RSPH14: variants seen among roughly 807,000 people sequenced by gnomAD.
The protein encoded by RSPH14 is rhabdoid tumor deletion region gene 1.
Under a neutral mutation model 26.7 loss-of-function variants are expected in RSPH14, and 20 were observed. The ratio of observed to expected loss-of-function variants is 0.75; its 90% CI spans 0.53 to 1.09. RSPH14 has a LOEUF of 1.09. Ranked by LOEUF, RSPH14 falls within the 50% of genes least tolerant of loss-of-function variation. RSPH14 has a pLI of 0.00. For missense variants in RSPH14, 449 were observed against 457.2 expected, an observed-to-expected ratio of 0.98 and a Z score of 0.16; for synonymous variants, 177 against 189.3, an observed-to-expected ratio of 0.93 and a Z score of 0.53.
At chr22:23,086,987 C>T (rs927479243) in intron 4 of RSPH14, among the ~76,000 whole-genome samples, 3 of 152,180 alleles carry the variant, frequency 2.0e-5, no homozygotes, top group African/African-American at 7.2e-5. Flanking sequence ...GAAGCACATG[C>T]GGCTCCGATA....
chr22:23,161,745 C>CCTTTTCT, the RSPH14 span: 1 of 592,274 alleles, frequency 1.7e-6, no homozygotes, highest in Non-Finnish European at 3.0e-6. Context: ...TTGTCCGTTG[C>CCTTTTCT]AGGTTGGGCA....
At chr22:23,171,318 C>T in the RSPH14 span, among the ~76,000 whole-genome samples, 1 of 152,082 alleles carries the variant, frequency 6.6e-6, no homozygotes, top group Non-Finnish European at 1.5e-5. Flanking sequence ...TGATGGTCAT[C>T]ATGTTGATGA....
At chr22:23,174,762 A>C in the RSPH14 span, among the ~76,000 whole-genome samples, 3 of 151,822 alleles carry the variant, frequency 2.0e-5, no homozygotes, top group East Asian at 3.9e-4. Context: ...TGAGGTTGGG[A>C]GTTCGCAACC....
At chr22:23,089,950 T>C (rs921203146) in intron 4 of RSPH14, among the ~76,000 whole-genome samples, 9 of 152,170 alleles carry the variant, frequency 5.9e-5, no homozygotes, top group South Asian at 2.1e-4. Context: ...CCACTAGGGC[T>C]TCTTGGCCTC....
chr22:23,119,361 G>T (rs2069940492), intron 4 of RSPH14, among the ~76,000 whole-genome samples: 1 of 152,194 alleles, frequency 6.6e-6, no homozygotes, highest in Non-Finnish European at 1.5e-5. Flanking sequence ...CTCTAGGTTT[G>T]GCCTCCTCTC....
chr22:23,173,622 G>GTTTTTTTTT, the RSPH14 span, among the ~76,000 whole-genome samples: 3 of 112,284 alleles, frequency 2.7e-5, 1 homozygote, highest in Non-Finnish European at 3.6e-5. Flanking sequence ...TTTATTTTTG[G>GTTTTTTTTT]TTTTTTGTTT....
chr22:23,064,162 G>T, intron 4 of RSPH14, 29 bp from the exon 5 acceptor site: 1 of 1,606,456 alleles, frequency 6.2e-7, no homozygotes, highest in South Asian at 1.1e-5. Flanking sequence ...CACTGAGGGC[G>T]GGCTGGCCAC....
Position 23,091,455 on chromosome 22 carries a change from T to C in RSPH14, c.422-27322A>G, listed in dbSNP as rs185815675. 2.7e-5 allele frequency among the ~76,000 whole-genome samples: 4 copies of C among 146,922 alleles called. No homozygotes were observed. In the South Asian group the frequency reaches 8.7e-4, roughly 32 times the overall value. On this transcript the variant is annotated intron_variant, in intron 4 of 6. Transcript: ENST00000216036. Reference sequence around the variant, plus strand: ...GGATTTGCACACACACAGGGTCCTATGCATACACACACACACCGCAATGGA... The same window carrying C: ...GGATTTGCACACACACAGGGTCCTACGCATACACACACACACCGCAATGGA...
At chr22:23,157,470 A>C in the RSPH14 span, among the ~76,000 whole-genome samples, 1 of 152,106 alleles carries the variant, frequency 6.6e-6, no homozygotes, top group Non-Finnish European at 1.5e-5. Context: ...TGTGTTAGCC[A>C]GGATGGTCTT....
At chr22:23,118,622 A>G (rs996210047) in intron 4 of RSPH14, among the ~76,000 whole-genome samples, 1 of 152,190 alleles carries the variant, frequency 6.6e-6, no homozygotes, top group African/African-American at 2.4e-5. Context: ...CTTGGGCCCC[A>G]TATGTGAAGT....
At chr22:23,126,037 CCAAA>C (rs947114848) in intron 4 of RSPH14, among the ~76,000 whole-genome samples, 2 of 152,232 alleles carry the variant, frequency 1.3e-5, no homozygotes, top group African/African-American at 2.4e-5. Context: ...TCCTACGTCA[CCAAA>C]CAGCCAGAAC....
At chr22:23,117,190 C>T (rs2069867142) in intron 4 of RSPH14, among the ~76,000 whole-genome samples, 1 of 152,098 alleles carries the variant, frequency 6.6e-6, no homozygotes, top group African/African-American at 2.4e-5. Context: ...TGGGGCTGTT[C>T]TGTGCCCCAC....
intron 4 of RSPH14, among the ~76,000 whole-genome samples, chr22:23,117,971 C>G (rs780075528): frequency 6.6e-6 from 1 of 152,212 alleles, no homozygotes; most frequent in Non-Finnish European, 1.5e-5. Flanking sequence ...GGTGCCGGAC[C>G]TGGTCTGGCC....
chr22:23,152,284 C>T, the RSPH14 span, among the ~76,000 whole-genome samples: 3 of 152,208 alleles, frequency 2.0e-5, no homozygotes, highest in South Asian at 2.1e-4. Context: ...CAGCCTCTCC[C>T]GTCTCCCCTC....
chr22:23,104,904 A>G (rs2069415815), intron 4 of RSPH14, among the ~76,000 whole-genome samples: 2 of 152,184 alleles, frequency 1.3e-5, no homozygotes, highest in African/African-American at 2.4e-5. Flanking sequence ...TGGGCATCTC[A>G]GGGGGGACAC....
At chr22:23,128,836 C>A (rs1028354303) in intron 4 of RSPH14, among the ~76,000 whole-genome samples, 4 of 152,206 alleles carry the variant, frequency 2.6e-5, no homozygotes, top group Admixed American at 2.0e-4. Flanking sequence ...TGACATAAAA[C>A]CTACTAAACA....
At chr22:23,172,949 A>T in the RSPH14 span, among the ~76,000 whole-genome samples, 267 of 140,808 alleles carry the variant, frequency 1.9e-3, 2 homozygotes, top group African/African-American at 6.6e-3. Context: ...GACTGCATCT[A>T]AAAAAAAAAA....
At chr22:23,078,263 T>TA (rs1601754290) in intron 4 of RSPH14, among the ~76,000 whole-genome samples, 1 of 152,274 alleles carries the variant, frequency 6.6e-6, no homozygotes, top group East Asian at 1.9e-4. Flanking sequence ...AATTTCGGAT[T>TA]AATCAAACTC....
At chr22:23,110,142 G>T (rs1423561157) in intron 4 of RSPH14, among the ~76,000 whole-genome samples, 1 of 152,196 alleles carries the variant, frequency 6.6e-6, no homozygotes, top group Non-Finnish European at 1.5e-5. Flanking sequence ...AGGCCTGAGG[G>T]GTGGTTCGGG....
Sources: gnomAD v4.1 joint callset for allele counts (sites outside exome capture counted in the v4.1 genomes callset) on GRCh38, gnomAD v4.1.1 for gene constraint, MANE v1.5 for transcripts, NCBI Gene and HGNC (gene_info 2026-07-23, HGNC 2026-07-21) for gene names.